Variants in NRXN1 observed in about 807,000 individuals in gnomAD.
NRXN1 encodes the protein neurexin-1.
Under a neutral mutation model 150.9 loss-of-function variants are expected in NRXN1, and 39 were observed. The ratio of observed to expected loss-of-function variants is 0.26; its 90% CI spans 0.20 to 0.34. The LOEUF (loss-of-function observed/expected upper bound fraction) is 0.34, where lower values mean the gene tolerates loss of function less well. Among genes scored for constraint, NRXN1 ranks in the 10% least tolerant of loss-of-function variants. NRXN1 has a pLI of 1.00. For missense variants in NRXN1, 1,815 were observed against 1,949.9 expected, an observed-to-expected ratio of 0.93 and a Z score of 1.30; for synonymous variants, 924 against 757.0, an observed-to-expected ratio of 1.22 and a Z score of -3.62.
At chr2:50,105,054 C>T (rs1341830133) in intron 18 of NRXN1, among the ~76,000 whole-genome samples, 1 of 151,896 alleles carries the variant, frequency 6.6e-6, no homozygotes, top group African/African-American at 2.4e-5. Flanking sequence ...ACATTCAATC[C>T]AGGTCTATCT....
At chr2:50,651,291 G>C (rs559124408) in intron 5 of NRXN1, among the ~76,000 whole-genome samples, 3 of 152,014 alleles carry the variant, frequency 2.0e-5, no homozygotes, top group African/African-American at 7.2e-5. Flanking sequence ...TGAGCTTTAT[G>C]AGATTTTCTA....
At chr2:50,194,283 C>T (rs2061621917) in intron 18 of NRXN1, among the ~76,000 whole-genome samples, 1 of 152,112 alleles carries the variant, frequency 6.6e-6, no homozygotes, top group Non-Finnish European at 1.5e-5. Context: ...AGCTTGAGAG[C>T]TGCAGCAGTT....
chr2:50,347,275 C>T lies in NRXN1; in HGVS notation c.3365-110305G>A. On this transcript the variant is annotated intron_variant, in intron 17 of 22. Coordinates refer to ENST00000401669, the MANE Select transcript of NRXN1 (RefSeq NM_001330078.2). This position sits in a 1 kb window ranked among gnomAD's most constrained non-coding sequence, Gnocchi z 4.9. ...GGGCTCCAGGTTCTCGAGAGATACT[C>T]CCAAAGAGTTTCGGGCGAGAGTGCG... 1 of 1,303,506 alleles carries T rather than the reference C, an allele frequency of 7.7e-7. No individual in the cohort carries two copies. Among genetic ancestry groups the T allele is most frequent in the Non-Finnish European group, 1.0e-6 (1 of 999,888 alleles). The allele number at this position is 1,303,506 out of a possible 1,614,324, so 80.7% of individuals were successfully genotyped here. A position where few individuals can be genotyped will look rare whatever the true frequency, so the allele number is the denominator to read the frequency against.
intron 8 of NRXN1, among the ~76,000 whole-genome samples, chr2:50,565,862 C>T (rs1447217785): frequency 2.0e-5 from 3 of 152,168 alleles, no homozygotes; most frequent in African/African-American, 7.2e-5. Flanking sequence ...CCCAGCCCTT[C>T]TCCCTGTCTG....
At chr2:50,009,456 C>A (rs1422228059) in intron 21 of NRXN1, among the ~76,000 whole-genome samples, 1 of 152,088 alleles carries the variant, frequency 6.6e-6, no homozygotes, top group South Asian at 2.1e-4. Context: ...GAAAGGGACA[C>A]CCCACCTTGA....
intron 17 of NRXN1, among the ~76,000 whole-genome samples, chr2:50,442,167 C>A (rs1193958480): frequency 6.6e-6 from 1 of 152,102 alleles, no homozygotes; most frequent in Non-Finnish European, 1.5e-5. Flanking sequence ...GCTCTATGAT[C>A]CTGGGCAAGT....
intron 2 of NRXN1, chr2:51,026,588 G>A: frequency 1.5e-6 from 1 of 674,394 alleles, no homozygotes; most frequent in East Asian, 2.7e-5. Flanking sequence ...AATGTCATTA[G>A]CCGAATATCC....
Position 50,040,627 on chromosome 2 carries a change from T to C in NRXN1, c.4128+12644A>G, listed in dbSNP as rs117632434. Reference sequence around the variant, plus strand: ...GGGATAAATGTGGTATCGTTGCTTTTTTATATACCATCTTCTAAACTATAT... The same window carrying C: ...GGGATAAATGTGGTATCGTTGCTTTCTTATATACCATCTTCTAAACTATAT... On this transcript the variant is annotated intron_variant, in intron 21 of 22. Transcript: ENST00000401669. 1.7e-3 allele frequency among the ~76,000 whole-genome samples: 262 copies of C among 152,184 alleles called. 10 individuals carry two copies. The East Asian group carries it at 0.047, about 27-fold the overall frequency.
intron 8 of NRXN1, among the ~76,000 whole-genome samples, chr2:50,573,845 A>G (rs1671016395): frequency 6.6e-6 from 1 of 152,044 alleles, no homozygotes; most frequent in African/African-American, 2.4e-5. Flanking sequence ...TAGGTATTAT[A>G]AGTAATCTAG....
chr2:50,042,698 A>AGAC (rs397772661), intron 21 of NRXN1, among the ~76,000 whole-genome samples: 1 of 151,166 alleles, frequency 6.6e-6, no homozygotes, highest in Admixed American at 6.6e-5. Context: ...ACACACATTA[A>AGAC]GACAAAGGTC....
At chr2:50,780,622 A>G (rs1399361519) in intron 5 of NRXN1, among the ~76,000 whole-genome samples, 1 of 152,060 alleles carries the variant, frequency 6.6e-6, no homozygotes, top group Non-Finnish European at 1.5e-5. Context: ...TTCATTCTTC[A>G]CTAATGGGTT....
rs554707261 is a variant in NRXN1 at position 50,680,673 on chromosome 2, G to A, written c.833-57058C>T. Among the ~76,000 whole-genome samples, 10 of 151,900 alleles carry A rather than the reference G, an allele frequency of 6.6e-5. No individual in the cohort carries two copies. In the East Asian group the frequency reaches 7.8e-4, roughly 12 times the overall value. On this transcript the variant is annotated intron_variant, in intron 5 of 22. Transcript: ENST00000401669. ...GTGAGATAGAAATTGTTTTAATATAGGATAGAAATGAGCAGATATCACAAT... is the reference window on the plus strand; with the variant it reads ...GTGAGATAGAAATTGTTTTAATATAAGATAGAAATGAGCAGATATCACAAT...
At chr2:50,494,830 C>G (rs1393595616) in intron 15 of NRXN1, among the ~76,000 whole-genome samples, 1 of 151,846 alleles carries the variant, frequency 6.6e-6, no homozygotes, top group East Asian at 1.9e-4. Context: ...GTCAGGAGTT[C>G]AAGAGCAGCC....
At chr2:50,329,334 TA>T in intron 17 of NRXN1, among the ~76,000 whole-genome samples, 1 of 151,516 alleles carries the variant, frequency 6.6e-6, no homozygotes, top group East Asian at 1.9e-4. Context: ...TAAAACAGTG[TA>T]AAACAGTTAA....
chr2:50,404,952 A>C (rs2176853), intron 17 of NRXN1, among the ~76,000 whole-genome samples: 23,419 of 151,964 alleles, frequency 0.15, 2,908 homozygotes, highest in East Asian at 0.38. Flanking sequence ...TTATATTGAC[A>C]CACTCTTCTC....
intron 5 of NRXN1, among the ~76,000 whole-genome samples, chr2:50,693,518 T>C (rs1230956914): frequency 6.6e-6 from 1 of 152,020 alleles, no homozygotes; most frequent in Non-Finnish European, 1.5e-5. Context: ...TCAAATAAAC[T>C]GGCAAGGAAC....
At chr2:50,985,211 A>G (rs1180406013) in intron 2 of NRXN1, among the ~76,000 whole-genome samples, 1 of 151,988 alleles carries the variant, frequency 6.6e-6, no homozygotes, top group Non-Finnish European at 1.5e-5. Flanking sequence ...ATAATAGTAA[A>G]TATCACCAAC....
intron 21 of NRXN1, among the ~76,000 whole-genome samples, chr2:49,983,626 C>T (rs79147405): frequency 0.16 from 24,948 of 151,956 alleles, 2,654 homozygotes; most frequent in Middle Eastern, 0.23. Context: ...ATTCTGGAAT[C>T]AGAAAATGTC....
intron 5 of NRXN1, among the ~76,000 whole-genome samples, chr2:50,745,551 A>G (rs1365683999): frequency 1.3e-5 from 2 of 152,046 alleles, no homozygotes; most frequent in African/African-American, 2.4e-5. Flanking sequence ...AGTGTGGTAT[A>G]TTAGTTCATT....
Sources: gnomAD v4.1 joint callset for allele counts (sites outside exome capture counted in the v4.1 genomes callset) on GRCh38, gnomAD v4.1.1 for gene constraint, Gnocchi (gnomAD v3.1) non-coding constraint, MANE v1.5 for transcripts, NCBI Gene and HGNC (gene_info 2026-07-23, HGNC 2026-07-21) for gene names.